The following HECW1 variants were observed in gnomAD, a reference collection of about 807,000 sequenced individuals.
HECW1 encodes the protein E3 ubiquitin-protein ligase HECW1.
A neutral mutation model predicts 182.3 loss-of-function variants in HECW1; 61 were observed. The observed-to-expected ratio is 0.33, with a 90% CI of 0.27 to 0.41. The LOEUF (loss-of-function observed/expected upper bound fraction) is 0.41, where lower values mean the gene tolerates loss of function less well. HECW1 is among the 10% of genes least tolerant of loss of function. The pLI is 1.00. For missense variants in HECW1, 1,739 were observed against 2,108.9 expected (o/e 0.82, Z 3.44); for synonymous variants, 859 against 832.6 (o/e 1.03, Z -0.55).
rs1157898679 is a variant in HECW1 at position 43,479,643 on chromosome 7, A to G, written c.3133A>G (p.Thr1045Ala). The change falls in exon 17 of 30, where the codon ACT becomes GCT. Residue 1045 changes from threonine (T) to alanine (A), a missense_variant. Coordinates refer to ENST00000395891, the MANE Select transcript of HECW1 (RefSeq NM_015052.5). The stretch of plus-strand genomic sequence containing the variant: ...CGTGGACCACAACAGTCGAGCTACC[A>G]CTTTCATTGACCCCCGAATCCCTCT... ...FFVDHNSRATTFIDPRIPLQN... is the reference protein window; with the variant it reads ...FFVDHNSRATAFIDPRIPLQN... 5 of 1,613,882 alleles carry G rather than the reference A, an allele frequency of 3.1e-6. No individual in the cohort carries two copies. The highest frequency in any genetic ancestry group is 4.2e-6 in the Non-Finnish European group (5 of 1,179,974).
chr7:43,317,519 T>C (rs569811779), intron 4 of HECW1, among the ~76,000 whole-genome samples: 1 of 152,396 alleles, frequency 6.6e-6, no homozygotes, highest in Admixed American at 6.5e-5. Context: ...CCTTTCTGCA[T>C]AAAATATGTA....
chr7:43,391,981 G>A (rs2075046563), intron 6 of HECW1, among the ~76,000 whole-genome samples: 2 of 152,108 alleles, frequency 1.3e-5, no homozygotes, highest in Non-Finnish European at 2.9e-5. Flanking sequence ...GAACTTTAGA[G>A]GAATCCCTAG....
intron 1 of HECW1, among the ~76,000 whole-genome samples, chr7:43,113,345 A>G (rs1389472016): frequency 6.6e-6 from 1 of 152,098 alleles, no homozygotes; most frequent in Admixed American, 6.5e-5. Flanking sequence ...TGTGAACCAA[A>G]GCTCTGGATT....
chr7:43,532,532 T>C (rs1387808849), intron 24 of HECW1, among the ~76,000 whole-genome samples: 2 of 152,174 alleles, frequency 1.3e-5, no homozygotes, highest in Non-Finnish European at 1.5e-5. Flanking sequence ...TCCAAACTCA[T>C]GTTCTGCCAT....
chr7:43,392,614 GA>G (rs1455881677), intron 6 of HECW1, among the ~76,000 whole-genome samples: 3 of 152,216 alleles, frequency 2.0e-5, no homozygotes. Context: ...TCTGGGAACA[GA>G]AGGGGCCTGT....
intron 2 of HECW1, among the ~76,000 whole-genome samples, chr7:43,174,583 A>C (rs1290314480): frequency 6.6e-6 from 1 of 152,228 alleles, no homozygotes; most frequent in Non-Finnish European, 1.5e-5. Flanking sequence ...GAATGAGCTC[A>C]GATGAGCTCC....
intron 8 of HECW1, among the ~76,000 whole-genome samples, chr7:43,412,250 G>A (rs1057206107): frequency 1.4e-4 from 21 of 151,810 alleles, no homozygotes; most frequent in African/African-American, 2.9e-4. Context: ...ATCCACACTC[G>A]TGATCTTTCT....
At chr7:43,396,264 T>C (rs1185837078) in intron 6 of HECW1, among the ~76,000 whole-genome samples, 2 of 152,132 alleles carry the variant, frequency 1.3e-5, no homozygotes, top group Non-Finnish European at 2.9e-5. Context: ...CATGTAACAA[T>C]TGTGTTCTGA....
chr7:43,113,078 C>T, intron 1 of HECW1, 141 bp downstream of exon 1: 1 of 183,520 alleles, frequency 5.4e-6, no homozygotes. Context: ...CACCCTCTCG[C>T]TTCTCCCGCG....
At chr7:43,322,708 A>C (rs1562834661) in intron 5 of HECW1, among the ~76,000 whole-genome samples, 1 of 152,186 alleles carries the variant, frequency 6.6e-6, no homozygotes, top group Non-Finnish European at 1.5e-5. Flanking sequence ...AACCTCCTAA[A>C]GTTCAAGAAG....
rs535316725 is a variant in HECW1 at position 43,119,576 on chromosome 7, C to T, written c.-32+5185C>T. Among the ~76,000 whole-genome samples, 5 of 152,280 alleles carry T rather than the reference C, an allele frequency of 3.3e-5. 1 individual carries two copies. The South Asian group carries it at 6.2e-4, about 19-fold the overall frequency. On this transcript the variant is annotated intron_variant, in intron 2 of 29. Coordinates refer to ENST00000395891, the MANE Select transcript of HECW1 (RefSeq NM_015052.5). Reference sequence around the variant, plus strand: ...CATGCTCATGATTCCAAGTTTATTTCGTCAGCCCTGACTCATTCCCAGAAC... The same window carrying T: ...CATGCTCATGATTCCAAGTTTATTTTGTCAGCCCTGACTCATTCCCAGAAC...
intron 27 of HECW1, among the ~76,000 whole-genome samples, chr7:43,551,887 C>A (rs561993753): frequency 6.6e-6 from 1 of 152,110 alleles, no homozygotes; most frequent in Non-Finnish European, 1.5e-5. Context: ...ATGGTACCTT[C>A]TCCCTGTGTC....
chr7:43,186,703 T>C (rs984080979), intron 2 of HECW1, among the ~76,000 whole-genome samples: 1 of 149,476 alleles, frequency 6.7e-6, no homozygotes, highest in African/African-American at 2.5e-5. Flanking sequence ...TATCATACCA[T>C]AATTTGACTG....
chr7:43,137,528 T>TTTTATTTATTTATTTA lies in HECW1; in HGVS notation c.-32+23161_-32+23176dup, dbSNP rs368972324. Among the ~76,000 whole-genome samples, 606 of 147,520 alleles carry TTTTATTTATTTATTTA rather than the reference T, an allele frequency of 4.1e-3. 7 individuals are homozygous for TTTTATTTATTTATTTA. Among genetic ancestry groups the TTTTATTTATTTATTTA allele is most frequent in the African/African-American group, 0.014 (558 of 39,640 alleles). On this transcript the variant is annotated intron_variant, in intron 2 of 29. Transcript: ENST00000395891. ...TCTGCCTGGAATGCTTTCTGCCTTCTTTTATTTATTTATTTATTTATTTAT... is the reference window on the plus strand; with the variant it reads ...TCTGCCTGGAATGCTTTCTGCCTTCTTTTATTTATTTATTTATTTATTTATTTATTTATTTATTTAT...
chr7:43,518,263 G>A (rs540459980), intron 24 of HECW1, among the ~76,000 whole-genome samples: 4 of 152,240 alleles, frequency 2.6e-5, no homozygotes, highest in Admixed American at 6.5e-5. Flanking sequence ...AGGAGGCCAA[G>A]GCGGGTGGAT....
At chr7:43,318,848 C>T (rs1026780281) in intron 4 of HECW1, among the ~76,000 whole-genome samples, 1 of 152,220 alleles carries the variant, frequency 6.6e-6, no homozygotes, top group African/African-American at 2.4e-5. Flanking sequence ...GTCCCTCCAG[C>T]CCCTACGGTG....
Position 43,199,732 on chromosome 7 carries a change from A to C in HECW1, c.-31-44143A>C, listed in dbSNP as rs1242412369. ...ATATTTTTAGTAGAAAAAAATATAG[A>C]ATTTTATCCAAAATGTATCTCTTAC... On this transcript the variant is annotated intron_variant, in intron 2 of 29. Transcript: ENST00000395891. 2.6e-5 allele frequency among the ~76,000 whole-genome samples: 4 copies of C among 152,226 alleles called. No homozygotes were observed. In the East Asian group the frequency reaches 7.7e-4, roughly 29 times the overall value.
At chr7:43,161,407 G>A (rs1239440324) in intron 2 of HECW1, among the ~76,000 whole-genome samples, 1 of 152,168 alleles carries the variant, frequency 6.6e-6, no homozygotes, top group Non-Finnish European at 1.5e-5. Context: ...TGTCCTGAGA[G>A]CAGAGGGCTC....
At chr7:43,235,137 G>A (rs1798209826) in intron 2 of HECW1, among the ~76,000 whole-genome samples, 1 of 152,172 alleles carries the variant, frequency 6.6e-6, no homozygotes, top group Non-Finnish European at 1.5e-5. Context: ...CCCTGGAACT[G>A]GCAGAGCCAT....
Sources: gnomAD v4.1 joint callset for allele counts (sites outside exome capture counted in the v4.1 genomes callset) on GRCh38, gnomAD v4.1.1 for gene constraint, MANE v1.5 for transcripts, NCBI Gene and HGNC (gene_info 2026-07-23, HGNC 2026-07-21) for gene names.